SLC2A5: variants seen among roughly 807,000 people sequenced by gnomAD.
The protein encoded by SLC2A5 is solute carrier family 2 member 5.
In SLC2A5, 56 loss-of-function variants were observed where a neutral mutation model predicts 50.3. The ratio of observed to expected loss-of-function variants is 1.11; its 90% CI spans 0.90 to 1.39. The LOEUF (loss-of-function observed/expected upper bound fraction) is 1.39. Ranked by LOEUF, SLC2A5 falls within the 40% of genes most tolerant of loss-of-function variation. The pLI is 0.00. For missense variants in SLC2A5, 566 were observed against 650.1 expected, an observed-to-expected ratio of 0.87 and a Z score of 1.41; for synonymous variants, 269 against 281.9, an observed-to-expected ratio of 0.95 and a Z score of 0.46.
At chr1:9,042,852 T>G (rs910047425) in intron 4 of SLC2A5, among the ~76,000 whole-genome samples, 4 of 152,128 alleles carry the variant, frequency 2.6e-5, no homozygotes, top group African/African-American at 9.7e-5. Flanking sequence ...ATTTAAAATG[T>G]CAACACATAT....
At chr1:9,093,248 T>A (rs1024477200), upstream of SLC2A5, among the ~76,000 whole-genome samples, 2 of 152,124 alleles carry the variant, frequency 1.3e-5, no homozygotes, top group African/African-American at 4.8e-5. Flanking sequence ...TACCAGATCA[T>A]CGTTACTACA....
upstream of SLC2A5, among the ~76,000 whole-genome samples, chr1:9,091,785 G>A (rs147078016): frequency 6.6e-6 from 1 of 152,162 alleles, no homozygotes; most frequent in East Asian, 1.9e-4. Context: ...CCTCAAAGCA[G>A]GATATGCCAT....
At chr1:9,093,173 G>A (rs1480184489), upstream of SLC2A5, among the ~76,000 whole-genome samples, 3 of 152,016 alleles carry the variant, frequency 2.0e-5, no homozygotes, top group Non-Finnish European at 4.4e-5. Context: ...CCAGGAGACT[G>A]GGTTCTAGTA....
intron 3 of SLC2A5, among the ~76,000 whole-genome samples, chr1:9,056,139 C>A (rs1225493027): frequency 6.6e-6 from 1 of 152,128 alleles, no homozygotes; most frequent in Non-Finnish European, 1.5e-5. Context: ...GGGTTCAACA[C>A]TAATCTCTCA....
intron 2 of SLC2A5, among the ~76,000 whole-genome samples, chr1:9,081,191 T>G (rs1642346840): frequency 6.9e-6 from 1 of 144,020 alleles, no homozygotes; most frequent in Non-Finnish European, 1.5e-5. Context: ...GCCTGACTGG[T>G]CAGGGCTGGA....
intron 10 of SLC2A5, 138 bp downstream of exon 10, chr1:9,038,293 C>A: frequency 1.4e-6 from 1 of 723,890 alleles, no homozygotes; most frequent in Non-Finnish European, 2.4e-6. Flanking sequence ...GTGCCACCCA[C>A]CCCCTTGCGG....
chr1:9,059,586 G>T (rs1483829224), intron 1 of SLC2A5, among the ~76,000 whole-genome samples: 3 of 140,836 alleles, frequency 2.1e-5, no homozygotes, highest in Non-Finnish European at 4.5e-5. Context: ...CTGGAGTGCT[G>T]TGGTGCTATT....
intron 1 of SLC2A5, among the ~76,000 whole-genome samples, chr1:9,058,585 G>C (rs1641824246): frequency 6.6e-6 from 1 of 152,186 alleles, no homozygotes; most frequent in East Asian, 1.9e-4. Flanking sequence ...CCCCTGGTGG[G>C]GAAGTGCTCC....
At chr1:9,039,777 C>G in intron 7 of SLC2A5, 23 bp downstream of exon 7, 1 of 1,495,592 alleles carries the variant, frequency 6.7e-7, no homozygotes, top group South Asian at 1.3e-5. Flanking sequence ...TCCCCAGCTC[C>G]CGAGCCGCAG....
At chr1:9,063,455 C>T (rs974291902) in intron 1 of SLC2A5, among the ~76,000 whole-genome samples, 3 of 151,914 alleles carry the variant, frequency 2.0e-5, no homozygotes, top group Non-Finnish European at 4.4e-5. Context: ...TCACTGTAGC[C>T]TCCACCTCCT....
At chr1:9,049,517 G>T (rs550658434) in intron 3 of SLC2A5, among the ~76,000 whole-genome samples, 1 of 151,286 alleles carries the variant, frequency 6.6e-6, no homozygotes, top group South Asian at 2.1e-4. Flanking sequence ...ATGAAGTCAG[G>T]AGCTCAAGGC....
Position 9,037,244 on chromosome 1 carries a change from CTGT to C in SLC2A5, c.*339_*341del, listed in dbSNP as rs1245809820. The C allele has an allele frequency of 1.7e-5, 5 of 298,820 alleles. No homozygotes were observed. The East Asian group carries it at 3.2e-4, about 19-fold the overall frequency. The allele number at this position is 298,820 out of a possible 1,614,324, so 18.5% of individuals were successfully genotyped here. A position where few individuals can be genotyped will look rare whatever the true frequency, so the allele number is the denominator to read the frequency against. ...TCCTTCCATCTCACCACTATAGTAA[CTGT>C]TGTTGTTATGTTACCAGGAGCCACA... On this transcript the variant is annotated 3_prime_UTR_variant, in exon 12 of 12. Coordinates refer to ENST00000377424, the MANE Select transcript of SLC2A5 (RefSeq NM_003039.3).
Position 9,068,592 on chromosome 1 carries a change from C to T in SLC2A5, c.33+912G>A, listed in dbSNP as rs558492169. Among the ~76,000 whole-genome samples the T allele has an allele frequency of 3.2e-4, 48 of 151,984 alleles. No homozygotes were observed. In the South Asian group the frequency reaches 9.6e-3, roughly 30 times the overall value. On this transcript the variant is annotated intron_variant, in intron 1 of 11. Transcript: ENST00000377424. ...TCAGCCTCCTGAGTAGCTGGGATTACAGGCACCTGCCACCACGCCTGGCTA... is the reference window on the plus strand; with the variant it reads ...TCAGCCTCCTGAGTAGCTGGGATTATAGGCACCTGCCACCACGCCTGGCTA...
At chr1:9,060,300 C>T (rs1335428531) in intron 1 of SLC2A5, among the ~76,000 whole-genome samples, 9 of 124,226 alleles carry the variant, frequency 7.2e-5, no homozygotes, top group Non-Finnish European at 8.3e-5. Flanking sequence ...CACACACACA[C>T]GCCCCCCCAC....
At chr1:9,044,280 G>A (rs763378949) in intron 4 of SLC2A5, among the ~76,000 whole-genome samples, 3 of 151,936 alleles carry the variant, frequency 2.0e-5, no homozygotes, top group South Asian at 2.1e-4. Flanking sequence ...GCAGTGAGCC[G>A]AGACCGTGCC....
Position 9,039,953 on chromosome 1 carries a change from G to A in SLC2A5, c.732C>T (p.Asp244=). 6.2e-7 allele frequency: 1 copy of A among 1,612,726 alleles called. No homozygotes were observed. Residue 244 remains aspartate, a synonymous_variant, in exon 7 of 12, where the codon GAC becomes GAT. Coordinates refer to ENST00000377424, the MANE Select transcript of SLC2A5 (RefSeq NM_003039.3). The stretch of plus-strand genomic sequence containing the variant: ...CCTGCCGGATCTCGGCCACCTCCCT[G>A]TCCACAGAGTCCCAGCCGCGCAGCG... ...LQTLRGWDSV[D]REVAEIRQED...
intron 3 of SLC2A5, among the ~76,000 whole-genome samples, chr1:9,057,120 C>T (rs574568913): frequency 3.3e-5 from 5 of 152,036 alleles, no homozygotes; most frequent in East Asian, 1.9e-4. Context: ...GGTGAAACTC[C>T]GTCTCTACTA....
chr1:9,040,261 C>T lies in SLC2A5; in HGVS notation c.572-72G>A. On this transcript the variant is annotated intron_variant, in intron 5 of 11. Transcript: ENST00000377424. This position sits in a 1 kb window ranked among gnomAD's most constrained non-coding sequence, Gnocchi z 4.3. ...CGAAGGCGCCCTCTGCAGAGCCGGC[C>T]CCAGCCCCGTCATCCTGAGTGGGGT... The T allele has an allele frequency of 2.0e-6, 3 of 1,505,790 alleles. No individual in the cohort carries two copies. The highest frequency in any genetic ancestry group is 2.5e-5 in the East Asian group (1 of 40,650). The allele number at this position is 1,505,790 out of a possible 1,614,324, so 93.3% of individuals were successfully genotyped here. A position where few individuals can be genotyped will look rare whatever the true frequency, so the allele number is the denominator to read the frequency against.
chr1:9,058,536 G>A (rs954959130), intron 1 of SLC2A5, among the ~76,000 whole-genome samples: 2 of 152,172 alleles, frequency 1.3e-5, no homozygotes, highest in Non-Finnish European at 2.9e-5. Flanking sequence ...CCTCTCCCCA[G>A]CTGCGACAAC....
Sources: allele counts gnomAD v4.1 joint callset (sites outside exome capture counted in the v4.1 genomes callset), GRCh38; gene constraint gnomAD v4.1.1; non-coding constraint Gnocchi (gnomAD v3.1); transcripts MANE v1.5; gene names NCBI Gene and HGNC (gene_info 2026-07-23, HGNC 2026-07-21).